PTPN1: variants seen among roughly 807,000 people sequenced by gnomAD.
PTPN1 encodes the protein protein tyrosine phosphatase non-receptor type 1, also known as tyrosine-protein phosphatase non-receptor type 1.
A neutral mutation model predicts 59.9 loss-of-function variants in PTPN1; 12 were observed. That is an observed-to-expected ratio of 0.20 (90% CI 0.13 to 0.32). PTPN1 has a LOEUF of 0.32. PTPN1 is among the 10% of genes least tolerant of loss of function. The pLI, the probability that PTPN1 is intolerant of heterozygous loss-of-function variation, is 1.00. For synonymous variants in PTPN1, 178 were observed against 203.6 expected (o/e 0.87, Z 1.07); for missense variants, 356 against 549.2 (o/e 0.65, Z 3.52).
chr20:50,554,080 C>A (rs1568787276), intron 1 of PTPN1, among the ~76,000 whole-genome samples: 1 of 152,146 alleles, frequency 6.6e-6, no homozygotes, highest in Admixed American at 6.6e-5. Context: ...AGCATTTCAA[C>A]AAACCTTCAG....
At chr20:50,524,641 A>G (rs947733857) in intron 1 of PTPN1, among the ~76,000 whole-genome samples, 10 of 134,744 alleles carry the variant, frequency 7.4e-5, no homozygotes, top group African/African-American at 2.6e-4. Flanking sequence ...CAGTGGCGCA[A>G]TCTCGACTCA....
At chr20:50,561,088 C>G (rs1020794855) in intron 1 of PTPN1, among the ~76,000 whole-genome samples, 1 of 152,174 alleles carries the variant, frequency 6.6e-6, no homozygotes, top group Non-Finnish European at 1.5e-5. Flanking sequence ...CTCCAGCCCC[C>G]ATGCCTTTGC....
At chr20:50,567,473 AATGGAAAC>A (rs1261465394) in intron 3 of PTPN1, among the ~76,000 whole-genome samples, 14 of 152,252 alleles carry the variant, frequency 9.2e-5, no homozygotes, top group African/African-American at 3.4e-4. Context: ...AATAGATGAG[AATGGAAAC>A]CATGAGAAGA....
chr20:50,579,582 C>A, intron 7 of PTPN1, 121 bp from the exon 8 acceptor site: 1 of 953,540 alleles, frequency 1.0e-6, no homozygotes, highest in Non-Finnish European at 1.6e-6. Flanking sequence ...AAGTACATGG[C>A]TGCAGCCCTG....
At chr20:50,579,433 G>A in intron 7 of PTPN1, 104 bp downstream of exon 7, 1 of 1,291,434 alleles carries the variant, frequency 7.7e-7, no homozygotes, top group Non-Finnish European at 1.1e-6. Flanking sequence ...GGTGTCAGGG[G>A]AAATAGCTAC....
At chr20:50,517,712 A>G (rs1375851915) in intron 1 of PTPN1, among the ~76,000 whole-genome samples, 1 of 152,246 alleles carries the variant, frequency 6.6e-6, no homozygotes, top group Non-Finnish European at 1.5e-5. Flanking sequence ...CAGAGTAAAC[A>G]TGGCAAAGGG....
intron 1 of PTPN1, among the ~76,000 whole-genome samples, 163 bp from the exon 2 acceptor site, chr20:50,561,200 G>T (rs772895123): frequency 6.6e-6 from 1 of 152,072 alleles, no homozygotes; most frequent in Non-Finnish European, 1.5e-5. Flanking sequence ...CCTACCCAAG[G>T]CCTGTGCTCA....
intron 5 of PTPN1, among the ~76,000 whole-genome samples, chr20:50,576,180 G>A (rs1272813582): frequency 1.3e-5 from 2 of 152,202 alleles, no homozygotes; most frequent in Non-Finnish European, 2.9e-5. Flanking sequence ...CATGGGCAGT[G>A]TGTTGGAATG....
At chr20:50,555,703 C>G (rs1417944395) in intron 1 of PTPN1, among the ~76,000 whole-genome samples, 1 of 151,790 alleles carries the variant, frequency 6.6e-6, no homozygotes, top group African/African-American at 2.4e-5. Context: ...GACATCTCCA[C>G]GTTTTGCTTC....
intron 1 of PTPN1, among the ~76,000 whole-genome samples, chr20:50,537,982 T>C (rs980774383): frequency 5.9e-5 from 9 of 152,292 alleles, no homozygotes; most frequent in African/African-American, 1.9e-4. Flanking sequence ...TTTGAGCTTT[T>C]GCTCTTCATC....
chr20:50,535,610 C>T (rs2082621254), intron 1 of PTPN1, among the ~76,000 whole-genome samples: 1 of 152,194 alleles, frequency 6.6e-6, no homozygotes, highest in East Asian at 1.9e-4. Flanking sequence ...CTAGAAAGAA[C>T]AGTGTTTAGC....
At chr20:50,522,947 G>A (rs1450518179) in intron 1 of PTPN1, among the ~76,000 whole-genome samples, 2 of 146,300 alleles carry the variant, frequency 1.4e-5, no homozygotes, top group Non-Finnish European at 3.0e-5. Context: ...TGTATTTTTA[G>A]TAGAGATGGG....
At chr20:50,547,438 A>G (rs1250072551) in intron 1 of PTPN1, among the ~76,000 whole-genome samples, 2 of 151,702 alleles carry the variant, frequency 1.3e-5, no homozygotes, top group African/African-American at 4.9e-5. Context: ...ATCTCGGCTC[A>G]CTGCAACCTC....
chr20:50,574,370 C>T, intron 4 of PTPN1, 147 bp from the exon 5 acceptor site: 1 of 780,954 alleles, frequency 1.3e-6, no homozygotes, highest in Non-Finnish European at 1.9e-6. Context: ...CCCCATGAGG[C>T]AGGCATCTGT....
chr20:50,541,437 C>T (rs550701470), intron 1 of PTPN1, among the ~76,000 whole-genome samples: 1 of 152,280 alleles, frequency 6.6e-6, no homozygotes, highest in South Asian at 2.1e-4. Flanking sequence ...GCTAGACCTA[C>T]GAGTGTCGGC....
At chr20:50,580,126 C>T (rs924780615) in intron 8 of PTPN1, among the ~76,000 whole-genome samples, 200 bp downstream of exon 8, 18 of 152,200 alleles carry the variant, frequency 1.2e-4, no homozygotes, top group African/African-American at 4.3e-4. Flanking sequence ...AGGGTGGCCG[C>T]AGGACATGAG....
intron 1 of PTPN1, among the ~76,000 whole-genome samples, chr20:50,558,335 T>C (rs1369112228): frequency 1.3e-5 from 2 of 152,248 alleles, no homozygotes; most frequent in Non-Finnish European, 2.9e-5. Context: ...ATGAAATTAA[T>C]AGTATCTTTT....
intron 7 of PTPN1, 107 bp downstream of exon 7, chr20:50,579,436 ATAGC>A: frequency 7.8e-7 from 1 of 1,285,500 alleles, no homozygotes; most frequent in East Asian, 2.3e-5. Flanking sequence ...GTCAGGGGAA[ATAGC>A]TACCCTTCAT....
chr20:50,525,491 A>G (rs2122729261), intron 1 of PTPN1, among the ~76,000 whole-genome samples: 1 of 152,350 alleles, frequency 6.6e-6, no homozygotes, highest in East Asian at 1.9e-4. Flanking sequence ...TCTGCCATAT[A>G]TGCCATATAG....
Sources: allele counts gnomAD v4.1 joint callset (sites outside exome capture counted in the v4.1 genomes callset), GRCh38; gene constraint gnomAD v4.1.1; transcripts MANE v1.5; gene names NCBI Gene and HGNC (gene_info 2026-07-23, HGNC 2026-07-21).